PYGB: variants seen among roughly 807,000 people sequenced by gnomAD.
PYGB encodes glycogen phosphorylase B.
In PYGB, 82 loss-of-function variants were observed where a neutral mutation model predicts 94.3. The ratio of observed to expected loss-of-function variants is 0.87; its 90% CI spans 0.73 to 1.04. PYGB has a LOEUF of 1.04. PYGB is among the 50% of genes least tolerant of loss of function. The probability of loss-of-function intolerance (pLI) is 0.00; values close to 1 mark genes in which losing one functional copy is unlikely to be tolerated. For synonymous variants in PYGB, 488 were observed against 479.1 expected (o/e 1.02, Z -0.24); for missense variants, 1,132 against 1,158.2 (o/e 0.98, Z 0.33).
At chr20:25,255,229 CTG>C (rs1288393922) in intron 1 of PYGB, among the ~76,000 whole-genome samples, 1 of 152,242 alleles carries the variant, frequency 6.6e-6, no homozygotes, top group East Asian at 1.9e-4. Flanking sequence ...GGAGTGGACA[CTG>C]TGACACTGTC....
chr20:25,280,957 CGCGCTGTTTCCCG>C lies in PYGB; in HGVS notation c.1252_1264del (p.Leu418MetfsTer10). The C allele has an allele frequency of 6.2e-7, 1 of 1,613,894 alleles. No individual in the cohort carries two copies. The highest frequency in any genetic ancestry group is 8.5e-7 in the Non-Finnish European group (1 of 1,179,898). The stretch of plus-strand genomic sequence containing the variant: ...CTGTGTTTTGGCACCAGCACGTGGC[CGCGCTGTTTCCCG>C]GCGATGTGGACCGCCTGCGCAGGAT... On this transcript the variant is annotated frameshift_variant, in exon 11 of 20. Coordinates refer to ENST00000216962, the MANE Select transcript of PYGB (RefSeq NM_002862.4). LOFTEE classifies it high-confidence loss of function.
intron 1 of PYGB, among the ~76,000 whole-genome samples, chr20:25,257,548 G>C (rs985875231): frequency 3.9e-5 from 6 of 152,208 alleles, no homozygotes; most frequent in Non-Finnish European, 8.8e-5. Flanking sequence ...CCACATTTTA[G>C]CCAGGTGTGG....
At chr20:25,295,464 C>A in intron 18 of PYGB, 140 bp from the exon 19 acceptor site, 1 of 917,248 alleles carries the variant, frequency 1.1e-6, no homozygotes, top group Non-Finnish European at 1.7e-6. Flanking sequence ...CTGGCTCTGA[C>A]CAGCTGCGTG....
At chr20:25,255,505 C>G (rs1300092434) in intron 1 of PYGB, among the ~76,000 whole-genome samples, 1 of 152,232 alleles carries the variant, frequency 6.6e-6, no homozygotes, top group Non-Finnish European at 1.5e-5. Flanking sequence ...TCAGGGCCAG[C>G]TCTGTCCATA....
At chr20:25,281,181 A>G in intron 11 of PYGB, 69 bp downstream of exon 11, 1 of 1,569,070 alleles carries the variant, frequency 6.4e-7, no homozygotes, top group Non-Finnish European at 8.7e-7. Context: ...AGGACCATCC[A>G]CCAAACACAT....
chr20:25,255,242 A>G (rs925620506), intron 1 of PYGB, among the ~76,000 whole-genome samples: 1 of 152,216 alleles, frequency 6.6e-6, no homozygotes, highest in Non-Finnish European at 1.5e-5. Flanking sequence ...TGACACTGTC[A>G]AGGAAACCAA....
chr20:25,278,820 G>A (rs566631186), intron 8 of PYGB, among the ~76,000 whole-genome samples: 53 of 152,354 alleles, frequency 3.5e-4, no homozygotes, highest in Non-Finnish European at 6.0e-4. Context: ...ACCCGCAGCA[G>A]AGCACACAGC....
intron 5 of PYGB, among the ~76,000 whole-genome samples, chr20:25,275,278 A>C (rs1193462305): frequency 1.3e-5 from 2 of 152,214 alleles, no homozygotes; most frequent in African/African-American, 4.8e-5. Context: ...GCTGATGGGG[A>C]ATCAGGGCAA....
In PYGB at chr20:25,275,060, G is replaced by T. The variant is rs554500944; in HGVS notation, c.660+337G>T. On this transcript the variant is annotated intron_variant, in intron 5 of 19. Coordinates refer to ENST00000216962, the MANE Select transcript of PYGB (RefSeq NM_002862.4). ...CCCGCTGCTTAAGGGCAGGCAGGAG[G>T]GTGTTCTGATGGGATGGGGGCACGG... 2.0e-5 allele frequency among the ~76,000 whole-genome samples: 3 copies of T among 152,350 alleles called. No homozygotes were observed. The South Asian group carries it at 6.2e-4, about 32-fold the overall frequency.
chr20:25,274,704 T>C lies in PYGB; in HGVS notation c.641T>C (p.Val214Ala), dbSNP rs1256096350. The C allele has an allele frequency of 6.2e-7, 1 of 1,613,112 alleles. No individual in the cohort carries two copies. Among genetic ancestry groups the C allele is most frequent in the Admixed American group, 1.7e-5 (1 of 59,992 alleles). ...CGCGTGGAGCACACCCCCGACGGCG[T>C]GAAGTGGCTGGACACACAGGTACCT... Reference protein sequence around the residue: ...YGRVEHTPDGVKWLDTQVVLA... With the variant: ...YGRVEHTPDGAKWLDTQVVLA... Residue 214 changes from valine (V) to alanine (A), a missense_variant, in exon 5 of 20, where the codon GTG becomes GCG. Transcript: ENST00000216962.
chr20:25,259,193 G>A (rs1183574361), intron 1 of PYGB, 44 bp from the exon 2 acceptor site: 1 of 1,496,870 alleles, frequency 6.7e-7, no homozygotes, highest in Non-Finnish European at 9.3e-7. Context: ...TTCCTAAAGT[G>A]TAGAATGGAA....
intron 9 of PYGB, 22 bp downstream of exon 9, chr20:25,279,171 G>A (rs2261115): frequency 0.45 from 721,024 of 1,607,948 alleles, 168,502 homozygotes; most frequent in East Asian, 0.92. Context: ...GGAAAAGGGC[G>A]GCACCTCCCC....
At chr20:25,266,525 C>T (rs181401900) in intron 2 of PYGB, among the ~76,000 whole-genome samples, 13 of 151,610 alleles carry the variant, frequency 8.6e-5, no homozygotes, top group South Asian at 4.2e-4. Flanking sequence ...ACCCAAGCAA[C>T]GAAAGAAAAA....
chr20:25,251,320 C>A (rs555599487), intron 1 of PYGB: 2 of 152,222 alleles, frequency 1.3e-5, no homozygotes, highest in African/African-American at 4.8e-5. Flanking sequence ...CCTTTCCATT[C>A]GGTCTGTGCA....
intron 14 of PYGB, among the ~76,000 whole-genome samples, chr20:25,286,412 C>A (rs1372475055): frequency 3.3e-5 from 5 of 152,116 alleles, no homozygotes; most frequent in East Asian, 3.9e-4. Context: ...TCTCTGCCCC[C>A]CTCCCTGAGG....
chr20:25,286,526 C>G (rs953138739), intron 14 of PYGB, among the ~76,000 whole-genome samples: 2 of 152,022 alleles, frequency 1.3e-5, no homozygotes, highest in African/African-American at 4.8e-5. Flanking sequence ...GGGCTGGGTG[C>G]TGACTTCCAT....
At chr20:25,269,942 G>A (rs775374409) in intron 3 of PYGB, among the ~76,000 whole-genome samples, 6 of 152,044 alleles carry the variant, frequency 3.9e-5, no homozygotes, top group Non-Finnish European at 5.9e-5. Context: ...GGCCAGATAT[G>A]AGTAGAGCCT....
rs543004571 is a variant in PYGB at position 25,296,383 on chromosome 20, G to A, written c.2393G>A (p.Trp798Ter). 5 of 1,614,034 alleles carry A rather than the reference G, an allele frequency of 3.1e-6. No homozygotes were observed. The highest frequency in any genetic ancestry group is 4.2e-6 in the Non-Finnish European group (5 of 1,180,026). ...VDQLYRNPKEWTKKVIRNIAC... is the reference protein window; with the variant it reads ...VDQLYRNPKE ...CCTTCCCTGCAGAACCCCAAGGAGT[G>A]GACCAAGAAGGTCATCAGGAACATC... is the stretch of plus-strand genomic sequence containing the variant. Residue 798 changes from tryptophan (W) to a stop codon, truncating the protein, a stop_gained, in exon 20 of 20, where the codon TGG (tryptophan) becomes TAG (stop). Transcript: ENST00000216962. LOFTEE classifies it high-confidence loss of function.
At chr20:25,259,748 A>G (rs1305038557) in intron 2 of PYGB, among the ~76,000 whole-genome samples, 1 of 152,074 alleles carries the variant, frequency 6.6e-6, no homozygotes, top group Non-Finnish European at 1.5e-5. Context: ...CTAGTTGTCT[A>G]GTTGTAAAAG....
Sources: allele counts gnomAD v4.1 joint callset (sites outside exome capture counted in the v4.1 genomes callset), GRCh38; gene constraint gnomAD v4.1.1; transcripts MANE v1.5; gene names NCBI Gene and HGNC (gene_info 2026-07-23, HGNC 2026-07-21).